BMP5: variants seen among roughly 807,000 people sequenced by gnomAD.
BMP5 encodes the protein bone morphogenetic protein 5.
In BMP5, 23 loss-of-function variants were observed where a neutral mutation model predicts 46.6. That is an observed-to-expected ratio of 0.49 (90% confidence interval 0.35 to 0.70). BMP5 has a LOEUF of 0.70. Ranked by LOEUF, BMP5 falls within the 30% of genes least tolerant of loss-of-function variation. The probability of loss-of-function intolerance (pLI) is 0.00; values close to 1 mark genes in which losing one functional copy is unlikely to be tolerated. For synonymous variants in BMP5, 204 were observed against 191.9 expected (o/e 1.06, Z -0.52); for missense variants, 545 against 565.6 (o/e 0.96, Z 0.37).
chr6:55,760,563 T>G (rs1429765014), intron 4 of BMP5, 30 bp from the exon 5 acceptor site: 3 of 1,590,782 alleles, frequency 1.9e-6, no homozygotes, highest in South Asian at 2.2e-5. Flanking sequence ...TTTGAATAAA[T>G]GGTTGCTTAC....
At chr6:55,831,996 G>A (rs114885813) in intron 1 of BMP5, among the ~76,000 whole-genome samples, 1,655 of 152,170 alleles carry the variant, frequency 0.011, 23 homozygotes, top group African/African-American at 0.038. Context: ...TCAGGACAAC[G>A]GCTGTGCTCC....
At chr6:55,758,776 T>C (rs1050205455) in intron 6 of BMP5, among the ~76,000 whole-genome samples, 1 of 151,832 alleles carries the variant, frequency 6.6e-6, no homozygotes, top group African/African-American at 2.4e-5. Context: ...ATGTTATTAC[T>C]CCAGTTTTCC....
intron 2 of BMP5, among the ~76,000 whole-genome samples, chr6:55,817,014 G>T (rs1489516895): frequency 2.0e-5 from 3 of 152,038 alleles, no homozygotes; most frequent in African/African-American, 7.2e-5. Flanking sequence ...CATCATCACT[G>T]GCCATCAGAG....
Position 55,874,496 on chromosome 6 carries a change from G to A in BMP5, c.370C>T (p.Pro124Ser), listed in dbSNP as rs866769080. ...GTCCGAGATAACTGTATGCGACGAGGATACCCATTGGGAGAGGCTGGGTAT... is the reference window on the plus strand; with the variant it reads ...GTCCGAGATAACTGTATGCGACGAGAATACCCATTGGGAGAGGCTGGGTAT... ...KGYPASPNGY[P>S]RRIQLSRTTP... The change falls in exon 1 of 7, where the codon CCT becomes TCT. Residue 124 changes from proline to serine, a missense_variant. Pro to Ser is a moderately conservative substitution (Grantham distance 74). Coordinates refer to ENST00000370830, the MANE Select transcript of BMP5 (RefSeq NM_021073.4). The A allele has an allele frequency of 6.2e-7, 1 of 1,613,448 alleles. No homozygotes were observed. The highest frequency in any genetic ancestry group is 8.5e-7 in the Non-Finnish European group (1 of 1,179,656).
intron 2 of BMP5, among the ~76,000 whole-genome samples, chr6:55,804,188 G>C (rs1775929455): frequency 6.6e-6 from 1 of 152,116 alleles, no homozygotes; most frequent in African/African-American, 2.4e-5. Flanking sequence ...AAATATGCTT[G>C]CAAATGTAAT....
intron 1 of BMP5, among the ~76,000 whole-genome samples, chr6:55,839,259 T>G (rs773877888): frequency 6.6e-6 from 1 of 151,992 alleles, no homozygotes; most frequent in Non-Finnish European, 1.5e-5. Context: ...TCATTTTTAT[T>G]TATTTAGGGG....
chr6:55,830,718 G>A (rs1299725867), intron 1 of BMP5, among the ~76,000 whole-genome samples: 1 of 151,912 alleles, frequency 6.6e-6, no homozygotes, highest in Non-Finnish European at 1.5e-5. Context: ...CATATATACT[G>A]TTACATAAAA....
At chr6:55,871,212 T>C (rs1420840233) in intron 1 of BMP5, among the ~76,000 whole-genome samples, 5 of 151,840 alleles carry the variant, frequency 3.3e-5, no homozygotes, top group Non-Finnish European at 5.9e-5. Flanking sequence ...GACAAAGAGA[T>C]GGTTAAAAAA....
At chr6:55,847,518 G>A (rs764246530) in intron 1 of BMP5, among the ~76,000 whole-genome samples, 5 of 151,816 alleles carry the variant, frequency 3.3e-5, no homozygotes, top group East Asian at 1.9e-4. Context: ...ACCGTTAGTC[G>A]TATTATTTAT....
At chr6:55,811,509 A>G (rs1195279633) in intron 2 of BMP5, among the ~76,000 whole-genome samples, 3 of 152,146 alleles carry the variant, frequency 2.0e-5, no homozygotes, top group East Asian at 3.9e-4. Flanking sequence ...GCTGGATGCT[A>G]TTCTTATTAG....
intron 2 of BMP5, among the ~76,000 whole-genome samples, chr6:55,809,038 T>C (rs2127534479): frequency 6.6e-6 from 1 of 152,344 alleles, no homozygotes; most frequent in East Asian, 1.9e-4. Flanking sequence ...ACTCAGGCTT[T>C]ACTTAATATT....
At chr6:55,857,358 G>T (rs372840132) in intron 1 of BMP5, among the ~76,000 whole-genome samples, 1 of 152,162 alleles carries the variant, frequency 6.6e-6, no homozygotes, top group African/African-American at 2.4e-5. Flanking sequence ...TTGATAAGAT[G>T]ATAAATATGT....
chr6:55,786,382 A>G (rs1485746991), intron 3 of BMP5, among the ~76,000 whole-genome samples: 1 of 151,756 alleles, frequency 6.6e-6, no homozygotes, highest in Non-Finnish European at 1.5e-5. Flanking sequence ...TTCCTAGACA[A>G]GAAGTCAACT....
At chr6:55,770,467 G>T (rs1582050190) in intron 4 of BMP5, among the ~76,000 whole-genome samples, 1 of 151,906 alleles carries the variant, frequency 6.6e-6, no homozygotes, top group East Asian at 1.9e-4. Flanking sequence ...TGGTATAAAG[G>T]AATGTTGTGG....
chr6:55,781,410 T>G (rs1775314232), intron 3 of BMP5, among the ~76,000 whole-genome samples: 1 of 152,084 alleles, frequency 6.6e-6, no homozygotes, highest in Non-Finnish European at 1.5e-5. Flanking sequence ...CTTTAAAAAC[T>G]CTTTCTTTGT....
At chr6:55,773,003 C>T (rs1287531486) in intron 4 of BMP5, 6 of 815,304 alleles carry the variant, frequency 7.4e-6, no homozygotes, top group Non-Finnish European at 7.4e-6. Context: ...TGCTGTATGA[C>T]CTGTCATTTT....
At chr6:55,836,758 T>TA (rs1186317509) in intron 1 of BMP5, among the ~76,000 whole-genome samples, 1 of 152,090 alleles carries the variant, frequency 6.6e-6, no homozygotes, top group Non-Finnish European at 1.5e-5. Flanking sequence ...CTGTCAACTC[T>TA]ACGTTCACAC....
At chr6:55,870,854 A>G (rs1051405606) in intron 1 of BMP5, among the ~76,000 whole-genome samples, 5 of 152,228 alleles carry the variant, frequency 3.3e-5, no homozygotes, top group South Asian at 2.1e-4. Flanking sequence ...TTAACAACAC[A>G]TTTAAATACT....
chr6:55,768,405 G>A (rs1432511669), intron 4 of BMP5, among the ~76,000 whole-genome samples: 2 of 151,862 alleles, frequency 1.3e-5, no homozygotes, highest in Non-Finnish European at 2.9e-5. Context: ...TTTCAGTAGA[G>A]TGTCCAATAA....
Sources: allele counts gnomAD v4.1 joint callset (sites outside exome capture counted in the v4.1 genomes callset), GRCh38; gene constraint gnomAD v4.1.1; transcripts MANE v1.5; gene names NCBI Gene and HGNC (gene_info 2026-07-23, HGNC 2026-07-21).